CGGBP1: variants seen among roughly 807,000 people sequenced by gnomAD.
The protein encoded by CGGBP1 is CGG triplet repeat binding protein 1.
Under a neutral mutation model 11.4 loss-of-function variants are expected in CGGBP1, and 4 were observed. The observed-to-expected ratio is 0.35, with a 90% CI of 0.17 to 0.80. CGGBP1 has a LOEUF of 0.80. Ranked by LOEUF, CGGBP1 falls within the 30% of genes least tolerant of loss-of-function variation. The probability of loss-of-function intolerance (pLI) is 0.52; values close to 1 mark genes in which losing one functional copy is unlikely to be tolerated. For synonymous variants in CGGBP1, 76 were observed against 74.1 expected, an observed-to-expected ratio of 1.03 and a Z score of -0.13; for missense variants, 135 against 202.1, an observed-to-expected ratio of 0.67 and a Z score of 2.01.
At chr3:88,127,794 T>C (rs1706208881) in intron 2 of CGGBP1, among the ~76,000 whole-genome samples, 1 of 152,168 alleles carries the variant, frequency 6.6e-6, no homozygotes, top group South Asian at 2.1e-4. Context: ...ACCTCACACT[T>C]TGGGAAAAGC....
At chr3:88,134,103 T>TA (rs749235741) in intron 2 of CGGBP1, among the ~76,000 whole-genome samples, 10,516 of 142,272 alleles carry the variant, frequency 0.074, 453 homozygotes, top group Non-Finnish European at 0.11. Flanking sequence ...GAGTGTGAGT[T>TA]AAAAAAAAAA....
At position 88,087,629 on chromosome 3, in the gene CGGBP1, T is replaced by C. The variant is rs138325221; in HGVS notation, c.-228-29406A>G. ...GCGGAGCAAGTCACAGCTTCATCTG[T>C]TATTTATTTATACCTCAAATTGTAC... On this transcript the variant is annotated intron_variant, in intron 2 of 3. Coordinates refer to the CGGBP1 transcript ENST00000462901. 2.3e-3 allele frequency among the ~76,000 whole-genome samples: 353 copies of C among 152,356 alleles called. 2 individuals carry two copies. The highest frequency in any genetic ancestry group is 7.9e-3 in the African/African-American group (327 of 41,576).
intron 2 of CGGBP1, among the ~76,000 whole-genome samples, chr3:88,088,729 A>T (rs975248843): frequency 2.2e-4 from 2 of 9,036 alleles, no homozygotes; most frequent in Non-Finnish European, 6.6e-4. Flanking sequence ...AGGCAGTTTA[A>T]AAAAAAACCT....
intron 2 of CGGBP1, among the ~76,000 whole-genome samples, chr3:88,098,682 A>C (rs1221764824): frequency 1.6e-4 from 25 of 152,142 alleles, no homozygotes; most frequent in African/African-American, 5.8e-4. Flanking sequence ...TCAACATACG[A>C]AAATCAATAA....
chr3:88,139,520 A>G (rs762094152), intron 2 of CGGBP1: 1 of 1,613,456 alleles, frequency 6.2e-7, no homozygotes, highest in Admixed American at 1.7e-5. Context: ...CTGCTTTGGA[A>G]GAAATAAATT....
At chr3:88,095,934 G>T in intron 2 of CGGBP1, 1 of 365,770 alleles carries the variant, frequency 2.7e-6, no homozygotes, top group South Asian at 2.5e-5. Context: ...TTCATTCTCT[G>T]ATGAAATGTT....
intron 1 of CGGBP1, chr3:88,144,635 G>A (rs2107917057): frequency 6.6e-6 from 1 of 152,350 alleles, no homozygotes; most frequent in Non-Finnish European, 1.5e-5. Context: ...ACATAGATTT[G>A]TTCAATAAAA....
At chr3:88,077,876 C>T (rs1456573196) in intron 2 of CGGBP1, among the ~76,000 whole-genome samples, 1 of 152,120 alleles carries the variant, frequency 6.6e-6, no homozygotes, top group Non-Finnish European at 1.5e-5. Context: ...ATTCTGTATA[C>T]TCTGTGTTGT....
intron 2 of CGGBP1, among the ~76,000 whole-genome samples, chr3:88,075,734 A>G (rs1304226836): frequency 6.6e-6 from 1 of 151,934 alleles, no homozygotes; most frequent in African/African-American, 2.4e-5. Flanking sequence ...CTGTTATTAA[A>G]TTTGCCTCGC....
rs1310387586 is a variant in CGGBP1 at position 88,052,217 on chromosome 3, T to C, written c.*3256A>G. 6.6e-6 allele frequency: 1 copy of C among 152,646 alleles called. No individual in the cohort carries two copies. The highest frequency in any genetic ancestry group is 1.9e-4 in the East Asian group (1 of 5,200). 9.5% of individuals were successfully genotyped at this position (152,646 alleles called of 1,614,324 possible). On this transcript the variant is annotated 3_prime_UTR_variant, in exon 4 of 4. Transcript: ENST00000482016. ...TATTTACCTAAGAAATCTATGATAG[T>C]GTGGGTGGAGATAAACCAGTTTAGG...
Position 88,139,092 on chromosome 3 carries a change from A to T in CGGBP1, c.-229+1878T>A, listed in dbSNP as rs1706968220. ...TGATAAATCAGCAGTTAGATTTCTA[A>T]ATGAAAGCACACTGGAAAATAATGC... On this transcript the variant is annotated intron_variant, in intron 2 of 3. Transcript: ENST00000462901. The T allele has an allele frequency of 4.7e-6, 6 of 1,263,308 alleles. No individual in the cohort carries two copies. The South Asian group carries it at 1.4e-4, about 30-fold the overall frequency. 78.3% of individuals were successfully genotyped at this position (1,263,308 alleles called of 1,614,324 possible). A position where few individuals can be genotyped will look rare whatever the true frequency, so the allele number is the denominator to read the frequency against.
Position 88,055,719 on chromosome 3 carries a change from T to C in CGGBP1, c.258A>G (p.Leu86=), listed in dbSNP as rs756504487. 6.2e-7 allele frequency: 1 copy of C among 1,614,228 alleles called. No individual in the cohort carries two copies. The highest frequency in any genetic ancestry group is 2.2e-5 in the East Asian group (1 of 44,884). The change falls in exon 4 of 4, where the codon CTA becomes CTG. Residue 86 remains leucine (L), a synonymous_variant. Coordinates refer to ENST00000482016, the MANE Select transcript of CGGBP1 (RefSeq NM_001008390.2). This position sits in a 1 kb window ranked among gnomAD's most constrained non-coding sequence, Gnocchi z 4.2. ...TACTGTTGCACTGAAGAGATGCAGT[T>C]AGGGGCCTCTGCTTCTTTCTCACAT... The part of the protein sequence containing the change: ...EQNVRKKQRP[L]TASLQCNSTA...
At chr3:88,140,623 A>G (rs772758483) in intron 2 of CGGBP1, 1 of 1,613,648 alleles carries the variant, frequency 6.2e-7, no homozygotes, top group African/African-American at 1.3e-5. Flanking sequence ...GAAATAGAGC[A>G]AACACCTTTA....
chr3:88,105,236 A>G (rs1299911506), intron 2 of CGGBP1, among the ~76,000 whole-genome samples: 1 of 152,088 alleles, frequency 6.6e-6, no homozygotes, highest in African/African-American at 2.4e-5. Context: ...AACAAATAAC[A>G]TATCCATGCC....
At chr3:88,088,746 ATG>A (rs1422821259) in intron 2 of CGGBP1, among the ~76,000 whole-genome samples, 1,170 of 80,954 alleles carry the variant, frequency 0.014, 22 homozygotes, top group African/African-American at 0.043. Flanking sequence ...ACCTTTATTT[ATG>A]TATGTATGTA....
chr3:88,064,150 G>A (rs1251455183), intron 2 of CGGBP1, among the ~76,000 whole-genome samples: 1 of 148,430 alleles, frequency 6.7e-6, no homozygotes, highest in Non-Finnish European at 1.5e-5. Context: ...AAAAATAGCA[G>A]TCATGCCCTG....
intron 2 of CGGBP1, among the ~76,000 whole-genome samples, chr3:88,115,732 G>A (rs541936836): frequency 6.6e-5 from 10 of 152,218 alleles, no homozygotes; most frequent in African/African-American, 2.2e-4. Context: ...ACTGGCTTCC[G>A]AAAGTTTTCT....
At chr3:88,135,414 C>A (rs747106725) in intron 2 of CGGBP1, 1 of 352,392 alleles carries the variant, frequency 2.8e-6, no homozygotes, top group Non-Finnish European at 5.0e-6. Flanking sequence ...AACATGGAAG[C>A]AATTGCTTCC....
At chr3:88,081,961 CCT>C (rs1298370584) in intron 2 of CGGBP1, among the ~76,000 whole-genome samples, 1 of 152,112 alleles carries the variant, frequency 6.6e-6, no homozygotes, top group African/African-American at 2.4e-5. Context: ...GTAAGACTAA[CCT>C]AATGTGTTTT....
Sources: allele counts gnomAD v4.1 joint callset (sites outside exome capture counted in the v4.1 genomes callset), GRCh38; gene constraint gnomAD v4.1.1; non-coding constraint Gnocchi (gnomAD v3.1); transcripts MANE v1.5; gene names NCBI Gene and HGNC (gene_info 2026-07-23, HGNC 2026-07-21).